The following FOCAD variants were observed in gnomAD, a reference collection of about 807,000 sequenced individuals.
FOCAD encodes focadhesin, also known as KIAA1797.
FOCAD carries 198 observed loss-of-function variants against 225.6 expected under a neutral mutation model. The ratio of observed to expected loss-of-function variants is 0.88; its 90% CI spans 0.78 to 0.99. The LOEUF is 0.99. FOCAD is among the 50% of genes least tolerant of loss of function. The probability of loss-of-function intolerance (pLI) is 0.00; values close to 1 mark genes in which losing one functional copy is unlikely to be tolerated. For synonymous variants in FOCAD, 897 were observed against 755.0 expected (o/e 1.19, Z -3.08); for missense variants, 2,713 against 2,123.6 (o/e 1.28, Z -5.46).
At chr9:20,658,124 A>T (rs1821569645), upstream of FOCAD, among the ~76,000 whole-genome samples, 1 of 151,128 alleles carries the variant, frequency 6.6e-6, no homozygotes, top group African/African-American at 2.4e-5. Flanking sequence ...TTGAGGAGGC[A>T]GTCTGCCCGT....
Position 20,765,087 on chromosome 9 carries a change from C to A in FOCAD, c.699+14C>A, listed in dbSNP as rs755626226. 9 of 1,605,344 alleles carry A rather than the reference C, an allele frequency of 5.6e-6. No homozygotes were observed. Among genetic ancestry groups the A allele is most frequent in the Middle Eastern group, 1.7e-4 (1 of 6,028 alleles). ...CCATGTTTGCAGGTAAGGTCTTTGT[C>A]CTCCTCCACAAATATAGGTCAGCAT... On this transcript the variant is annotated intron_variant, in intron 7 of 43. Coordinates refer to ENST00000338382, the MANE Select transcript of FOCAD (RefSeq NM_001375567.1).
In FOCAD at chr9:20,781,899, G is replaced by A. The variant is rs761300529; in HGVS notation, c.1167G>A (p.Gln389=). The A allele has an allele frequency of 6.2e-7, 1 of 1,613,946 alleles. No individual in the cohort carries two copies. Among genetic ancestry groups the A allele is most frequent in the Admixed American group, 1.7e-5 (1 of 60,016 alleles). The change falls in exon 10 of 44, where the codon CAG becomes CAA. Residue 389 remains glutamine (Q), a synonymous_variant. Transcript: ENST00000338382. The part of the protein sequence containing the change: ...QLALNLLEMI[Q]QECYRDDHQK... ...CTCTAAACCTTTTGGAAATGATACA[G>A]CAGGAATGTTACAGAGATGACCACC... is the stretch of plus-strand genomic sequence containing the variant.
At chr9:20,677,730 G>C (rs1169621983) in intron 2 of FOCAD, among the ~76,000 whole-genome samples, 4 of 152,162 alleles carry the variant, frequency 2.6e-5, no homozygotes, top group African/African-American at 9.7e-5. Context: ...ACATGCTGTT[G>C]GTGGAAATGT....
At chr9:20,866,867 T>A in intron 17 of FOCAD, 62 bp from the exon 18 acceptor site, 1 of 1,033,896 alleles carries the variant, frequency 9.7e-7, no homozygotes, top group Admixed American at 2.4e-5. Context: ...TTAATGCATG[T>A]TGTGTTTTTT....
At position 20,929,617 on chromosome 9, in the gene FOCAD, C is replaced by A. The variant is rs772346210; in HGVS notation, c.3317+21C>A. The stretch of plus-strand genomic sequence containing the variant: ...CTCAGGTACAGTTTATTAAAATATT[C>A]CTGCTTTTCTTCTTTGTGATTTTTT... On this transcript the variant is annotated intron_variant, in intron 27 of 43. Coordinates refer to ENST00000338382, the MANE Select transcript of FOCAD (RefSeq NM_001375567.1). 5.0e-6 allele frequency: 8 copies of A among 1,599,592 alleles called. No homozygotes were observed. The East Asian group carries it at 1.8e-4, about 36-fold the overall frequency.
chr9:20,964,386 T>C (rs892413201), intron 35 of FOCAD, among the ~76,000 whole-genome samples: 1 of 152,034 alleles, frequency 6.6e-6, no homozygotes, highest in Admixed American at 6.6e-5. Context: ...AGAGTAAGAC[T>C]CTGTCTCAGA....
At chr9:20,891,334 A>G (rs952731450) in intron 21 of FOCAD, among the ~76,000 whole-genome samples, 3 of 152,190 alleles carry the variant, frequency 2.0e-5, no homozygotes, top group African/African-American at 7.2e-5. Flanking sequence ...ACCACTTGAA[A>G]CCAAAAGCTA....
Position 20,781,239 on chromosome 9 carries a change from A to G in FOCAD, c.995-488A>G, listed in dbSNP as rs141634724. On this transcript the variant is annotated intron_variant, in intron 9 of 43. Coordinates refer to ENST00000338382, the MANE Select transcript of FOCAD (RefSeq NM_001375567.1). ...TTTGTTGTTGTTATTTTGGTTCTGGACTTTGGGACTTTCACAATCTGCTTC... is the reference window on the plus strand; with the variant it reads ...TTTGTTGTTGTTATTTTGGTTCTGGGCTTTGGGACTTTCACAATCTGCTTC... Among the ~76,000 whole-genome samples, 18 of 152,244 alleles carry G rather than the reference A, an allele frequency of 1.2e-4. No individual in the cohort carries two copies. The East Asian group carries it at 3.3e-3, about 28-fold the overall frequency.
chr9:20,971,448 TG>T (rs1316495105), intron 35 of FOCAD, among the ~76,000 whole-genome samples: 2 of 152,074 alleles, frequency 1.3e-5, no homozygotes, highest in Non-Finnish European at 2.9e-5. Context: ...TTATTTTTTT[TG>T]GTGGGGGAGG....
At chr9:20,869,945 T>C (rs1342576777) in intron 18 of FOCAD, among the ~76,000 whole-genome samples, 2 of 152,198 alleles carry the variant, frequency 1.3e-5, no homozygotes, top group Non-Finnish European at 2.9e-5. Context: ...TTTTTCCCTT[T>C]TAGCTTTTAT....
chr9:20,752,479 C>T (rs904980705), intron 5 of FOCAD, among the ~76,000 whole-genome samples: 33 of 152,178 alleles, frequency 2.2e-4, no homozygotes, highest in African/African-American at 5.5e-4. Context: ...AGATATGCGG[C>T]GTTATTTCTG....
In FOCAD at chr9:20,995,492, C is replaced by G. The variant is rs372012287; in HGVS notation, c.5333-64C>G. The G allele has an allele frequency of 5.1e-6, 7 of 1,361,874 alleles. No individual in the cohort carries two copies. The African/African-American group carries it at 8.6e-5, about 17-fold the overall frequency. The allele number at this position is 1,361,874 out of a possible 1,614,324, so 84.4% of individuals were successfully genotyped here. ...AAGTGAGAAAAAGACAAATTCTGTT[C>G]TGACACCTTTTTGATCAAAATGACC... On this transcript the variant is annotated intron_variant, in intron 43 of 43. Coordinates refer to ENST00000338382, the MANE Select transcript of FOCAD (RefSeq NM_001375567.1).
In FOCAD at chr9:20,778,866, A is replaced by G. The variant is rs1819068273; in HGVS notation, c.994+98A>G. On this transcript the variant is annotated intron_variant, in intron 9 of 43. Transcript: ENST00000338382. ...GTATCCTGCTATCTTGTGTATTTTG[A>G]GTTTCCATCTGTAATTTTTAAAATT... 4 of 571,358 alleles carry G rather than the reference A, an allele frequency of 7.0e-6. No individual in the cohort carries two copies. In the South Asian group the frequency reaches 1.4e-4, roughly 20 times the overall value. The allele number at this position is 571,358 out of a possible 1,614,324, so 35.4% of individuals were successfully genotyped here.
Position 20,741,143 on chromosome 9 carries a change from C to T in FOCAD, c.392+803C>T, listed in dbSNP as rs572913353. 3.9e-5 allele frequency among the ~76,000 whole-genome samples: 6 copies of T among 152,304 alleles called. No individual in the cohort carries two copies. In the South Asian group the frequency reaches 1.2e-3, roughly 32 times the overall value. ...TGATTCATGTGGGGAAGATGGCTTACATGGGCTATGGTGATCAAACAGGGA... is the reference window on the plus strand; with the variant it reads ...TGATTCATGTGGGGAAGATGGCTTATATGGGCTATGGTGATCAAACAGGGA... On this transcript the variant is annotated intron_variant, in intron 5 of 43. Transcript: ENST00000338382.
intron 15 of FOCAD, among the ~76,000 whole-genome samples, chr9:20,854,849 C>T (rs576336411): frequency 4.0e-4 from 60 of 151,898 alleles, no homozygotes; most frequent in Middle Eastern, 6.8e-3. Context: ...TTTGCCCCTA[C>T]TATTCAATGG....
At chr9:20,893,607 C>A (rs1355424834) in intron 21 of FOCAD, among the ~76,000 whole-genome samples, 1 of 152,082 alleles carries the variant, frequency 6.6e-6, no homozygotes, top group African/African-American at 2.4e-5. Flanking sequence ...TTCACAATGG[C>A]TACAACTACA....
intron 22 of FOCAD, 130 bp downstream of exon 22, chr9:20,907,372 T>C: frequency 1.3e-6 from 1 of 758,264 alleles, no homozygotes. Context: ...TTATTTTTAC[T>C]CATAAAAGAA....
At chr9:20,695,933 G>C (rs1172917410) in intron 1 of FOCAD, among the ~76,000 whole-genome samples, 3 of 152,184 alleles carry the variant, frequency 2.0e-5, no homozygotes, top group Admixed American at 6.5e-5. Flanking sequence ...AGCAAATGAA[G>C]CTTATACAGT....
Position 20,995,551 on chromosome 9 carries a change from C to G in FOCAD, c.5333-5C>G, listed in dbSNP as rs565139648. 1.2e-6 allele frequency: 2 copies of G among 1,611,872 alleles called. No individual in the cohort carries two copies. Among genetic ancestry groups the G allele is most frequent in the South Asian group, 1.1e-5 (1 of 91,022 alleles). On this transcript the variant is annotated splice_polypyrimidine_tract_variant and splice_region_variant and intron_variant, in intron 43 of 43. Transcript: ENST00000338382. ...TGCAGCCATACCTATATTTTGTCCCCTTAGCCACCCTGCTGTCCTTGAGAG... is the reference window on the plus strand; with the variant it reads ...TGCAGCCATACCTATATTTTGTCCCGTTAGCCACCCTGCTGTCCTTGAGAG...
Sources: allele counts gnomAD v4.1 joint callset (sites outside exome capture counted in the v4.1 genomes callset), GRCh38; gene constraint gnomAD v4.1.1; transcripts MANE v1.5; gene names NCBI Gene and HGNC (gene_info 2026-07-23, HGNC 2026-07-21).